The following BRWD1 variants were observed in gnomAD, a reference collection of about 807,000 sequenced individuals.
The protein encoded by BRWD1 is bromodomain and WD repeat domain containing 1, also known as bromodomain and WD repeat-containing protein 1.
A neutral mutation model predicts 251.2 loss-of-function variants in BRWD1; 82 were observed. That is an observed-to-expected ratio of 0.33 (90% confidence interval 0.27 to 0.39). The LOEUF is 0.39. Ranked by LOEUF, BRWD1 falls within the 10% of genes least tolerant of loss-of-function variation. BRWD1 has a pLI of 1.00. For synonymous variants in BRWD1, 918 were observed against 902.8 expected, an observed-to-expected ratio of 1.02 and a Z score of -0.30; for missense variants, 2,233 against 2,711.6, an observed-to-expected ratio of 0.82 and a Z score of 3.92.
At chr21:39,250,707 G>T (rs1425838634) in intron 20 of BRWD1, 89 bp downstream of exon 20, 3 of 828,068 alleles carry the variant, frequency 3.6e-6, no homozygotes, top group Admixed American at 3.0e-5. Flanking sequence ...CACTTCAGAT[G>T]AAAGTTACTG....
intron 19 of BRWD1, 28 bp downstream of exon 19, chr21:39,255,617 C>T (rs908123785): frequency 1.9e-5 from 30 of 1,563,024 alleles, no homozygotes; most frequent in Non-Finnish European, 2.6e-5. Context: ...CAGATAGAAA[C>T]ATTATAAATA....
intron 23 of BRWD1, among the ~76,000 whole-genome samples, chr21:39,234,922 T>G (rs1422627547): frequency 6.6e-6 from 1 of 152,296 alleles, no homozygotes; most frequent in East Asian, 1.9e-4. Context: ...TCTTTTAACA[T>G]TAATGGAATT....
In BRWD1 at chr21:39,236,761, T is replaced by C; in HGVS notation, c.2600A>G (p.Asp867Gly). The C allele has an allele frequency of 1.2e-6, 2 of 1,613,702 alleles. No homozygotes were observed. Among genetic ancestry groups the C allele is most frequent in the Non-Finnish European group, 1.7e-6 (2 of 1,179,914 alleles). Residue 867 changes from aspartate to glycine, a missense_variant, in exon 23 of 41, where the codon GAT (aspartate) becomes GGT (glycine). Asp to Gly is a moderately conservative substitution (Grantham distance 94, BLOSUM62 -1). Around this residue, in one of 12 missense-constraint regions of BRWD1, gnomAD observed 214 missense variants for 222.0 expected, o/e 0.96. Coordinates refer to ENST00000342449, the MANE Select transcript of BRWD1 (RefSeq NM_033656.4). ...ATTGATGCCCGCATCAGCTGTCCAA[T>C]CGGAATATCTAGATGAAGAGTCACT... is the stretch of plus-strand genomic sequence containing the variant. ...SSSDSSSRYSDWTADAGINLQ... is the reference protein window; with the variant it reads ...SSSDSSSRYSGWTADAGINLQ...
chr21:39,286,649 G>A (rs529283326), intron 8 of BRWD1, among the ~76,000 whole-genome samples: 7 of 151,896 alleles, frequency 4.6e-5, no homozygotes, highest in African/African-American at 1.7e-4. Flanking sequence ...CAAGTAGCTG[G>A]GATTACAGGT....
At chr21:39,308,476 T>G (rs999553482) in intron 4 of BRWD1, among the ~76,000 whole-genome samples, 10 of 84,672 alleles carry the variant, frequency 1.2e-4, no homozygotes, top group African/African-American at 1.9e-4. Context: ...AATGACACCT[T>G]GTCTCAAAAA....
intron 14 of BRWD1, 107 bp downstream of exon 14, chr21:39,270,176 G>C (rs2035054262): frequency 4.9e-6 from 6 of 1,229,970 alleles, no homozygotes; most frequent in Non-Finnish European, 6.5e-6. Flanking sequence ...TCATTTCATA[G>C]TTTACATGAG....
chr21:39,214,915 CTT>C lies in BRWD1; in HGVS notation c.3785+320_3785+321del, dbSNP rs548747603. ...TTTTTTCTGGAGACAGAGTTTTGCT[CTT>C]GTTACTCAGGCTGGAGTGCAATGGC... On this transcript the variant is annotated intron_variant, in intron 32 of 40. Transcript: ENST00000342449. Among the ~76,000 whole-genome samples, 380 of 122,490 alleles carry C rather than the reference CTT, an allele frequency of 3.1e-3. 3 individuals are homozygous for C. The highest frequency in any genetic ancestry group is 0.012 in the African/African-American group (371 of 31,958). 80.4% of individuals were successfully genotyped at this position (122,490 alleles called of 152,430 possible).
At chr21:39,217,515 T>C (rs149058588) in intron 31 of BRWD1, 70 of 177,482 alleles carry the variant, frequency 3.9e-4, no homozygotes, top group African/African-American at 1.5e-3. Flanking sequence ...TCACAATAGG[T>C]AACTCCAGAT....
At chr21:39,254,973 A>AT (rs1445604758) in intron 19 of BRWD1, among the ~76,000 whole-genome samples, 1 of 152,214 alleles carries the variant, frequency 6.6e-6, no homozygotes, top group Non-Finnish European at 1.5e-5. Context: ...TTAAGGTGTG[A>AT]TAACAGCATT....
intron 21 of BRWD1, among the ~76,000 whole-genome samples, chr21:39,246,589 CAA>C (rs2146597369): frequency 6.6e-6 from 1 of 152,140 alleles, no homozygotes; most frequent in Admixed American, 6.5e-5. Context: ...TCATAACAGC[CAA>C]AAAGTGGAAA....
chr21:39,220,845 A>G (rs2033146904), intron 29 of BRWD1, among the ~76,000 whole-genome samples: 1 of 152,158 alleles, frequency 6.6e-6, no homozygotes, highest in Non-Finnish European at 1.5e-5. Context: ...GAAAATATAA[A>G]TATATAAGAT....
chr21:39,320,651 AAC>A (rs1479617295), intron 1 of BRWD1, among the ~76,000 whole-genome samples: 6 of 150,644 alleles, frequency 4.0e-5, no homozygotes. Context: ...TCTTTTCAAA[AAC>A]CTTAGAGTCA....
chr21:39,237,055 T>TA (rs962698539), intron 22 of BRWD1, among the ~76,000 whole-genome samples: 6 of 151,748 alleles, frequency 4.0e-5, no homozygotes, highest in African/African-American at 1.5e-4. Context: ...ATATTGTAGA[T>TA]AAAATATGAT....
intron 8 of BRWD1, among the ~76,000 whole-genome samples, chr21:39,281,978 A>G (rs1222791972): frequency 6.6e-6 from 1 of 151,568 alleles, no homozygotes; most frequent in Admixed American, 6.6e-5. Flanking sequence ...ATATAAATAC[A>G]TGTATATAAA....
rs867575378 is a variant in BRWD1, at chr21:39,186,211, A to T, written c.*10048T>A. On this transcript the variant is annotated 3_prime_UTR_variant, in exon 41 of 41. Transcript: ENST00000342449. ...ACTGATTAAGACCTGCCTCTTAATGAGGCACATTTTTGGCATTTCTGTAAA... is the reference window on the plus strand; with the variant it reads ...ACTGATTAAGACCTGCCTCTTAATGTGGCACATTTTTGGCATTTCTGTAAA... The T allele has an allele frequency of 6.6e-6, 1 of 152,222 alleles. No individual in the cohort carries two copies. The highest frequency in any genetic ancestry group is 2.1e-4 in the South Asian group (1 of 4,832). The allele number at this position is 152,222 out of a possible 1,614,324, so 9.4% of individuals were successfully genotyped here. A position where few individuals can be genotyped will look rare whatever the true frequency, so the allele number is the denominator to read the frequency against.
chr21:39,196,685 C>T lies in BRWD1; in HGVS notation c.6384G>A (p.Arg2128=). The T allele has an allele frequency of 6.2e-7, 1 of 1,613,950 alleles. No individual in the cohort carries two copies. The highest frequency in any genetic ancestry group is 1.1e-5 in the South Asian group (1 of 91,074). Residue 2128 remains arginine, a synonymous_variant, in exon 41 of 41, where the codon AGG becomes AGA. Transcript: ENST00000342449. ...SQETAEKEVK[R]KRSHPELENV... is the part of the protein sequence containing the mutation. ...TTTCCAATTCAGGATGCGATCTCTT[C>T]CTTTTTACTTCCTTCTCTGCTGTTT...
In BRWD1 at chr21:39,196,195, A is replaced by G; in HGVS notation, c.*64T>C. ...ATTGTAAGACAAAAAAATAATTTTAACAGCCAGCTTTCACCATAAATGCCA... is the reference window on the plus strand; with the variant it reads ...ATTGTAAGACAAAAAAATAATTTTAGCAGCCAGCTTTCACCATAAATGCCA... On this transcript the variant is annotated 3_prime_UTR_variant, in exon 41 of 41. Transcript: ENST00000342449. 6.7e-7 allele frequency: 1 copy of G among 1,489,524 alleles called. No individual in the cohort carries two copies. Among genetic ancestry groups the G allele is most frequent in the Non-Finnish European group, 8.9e-7 (1 of 1,123,948 alleles). The allele number at this position is 1,489,524 out of a possible 1,614,324, so 92.3% of individuals were successfully genotyped here.
chr21:39,248,145 G>A (rs1441109536), intron 20 of BRWD1, among the ~76,000 whole-genome samples: 5 of 152,090 alleles, frequency 3.3e-5, no homozygotes, highest in Admixed American at 3.3e-4. Flanking sequence ...ATACATCTCA[G>A]AAATGAAAAA....
intron 22 of BRWD1, 75 bp from the exon 23 acceptor site, chr21:39,236,859 G>A: frequency 7.5e-7 from 1 of 1,327,522 alleles, no homozygotes; most frequent in Non-Finnish European, 1.0e-6. Context: ...ATATAAAATT[G>A]AGGGAACAGA....
Sources: gnomAD v4.1 joint callset for allele counts (sites outside exome capture counted in the v4.1 genomes callset) on GRCh38, gnomAD v4.1.1 for gene constraint, gnomAD v4.1.1 regional missense constraint, MANE v1.5 for transcripts, NCBI Gene and HGNC (gene_info 2026-07-23, HGNC 2026-07-21) for gene names.